The following RAD51B variants were observed in gnomAD, a reference collection of about 807,000 sequenced individuals.
RAD51B encodes the protein RAD51 paralog B.
RAD51B carries 38 observed loss-of-function variants against 42.2 expected under a neutral mutation model. The observed-to-expected ratio is 0.90, with a 90% CI of 0.70 to 1.18. The LOEUF (loss-of-function observed/expected upper bound fraction) is 1.18, where lower values mean the gene tolerates loss of function less well. RAD51B is among the 50% of genes most tolerant of loss of function. The pLI is 0.00. For synonymous variants in RAD51B, 154 were observed against 145.2 expected (o/e 1.06, Z -0.43); for missense variants, 373 against 400.7 (o/e 0.93, Z 0.59).
intron 7 of RAD51B, among the ~76,000 whole-genome samples, chr14:68,164,215 CT>C (rs2078703655): frequency 6.6e-6 from 1 of 152,176 alleles, no homozygotes; most frequent in African/African-American, 2.4e-5. Context: ...AAACAATTTA[CT>C]TTGCATTCCT....
chr14:68,197,405 A>G (rs992078080), intron 7 of RAD51B, among the ~76,000 whole-genome samples: 3 of 152,188 alleles, frequency 2.0e-5, no homozygotes, highest in South Asian at 2.1e-4. Flanking sequence ...GTAAAAATAT[A>G]AGACAATTAC....
In RAD51B at chr14:67,847,793, GT is replaced by G. The variant is rs549353282; in HGVS notation, c.315+12600del. 7.2e-5 allele frequency among the ~76,000 whole-genome samples: 11 copies of G among 152,016 alleles called. No individual in the cohort carries two copies. In the East Asian group the frequency reaches 2.1e-3, roughly 29 times the overall value. On this transcript the variant is annotated intron_variant, in intron 4 of 10. Transcript: ENST00000471583. ...GGATCGTTCTATAGATATCTGTTAGGTTTAATTGGTCAAGTGTCAAGTTTAA... is the reference window on the plus strand; with the variant it reads ...GGATCGTTCTATAGATATCTGTTAGGTTAATTGGTCAAGTGTCAAGTTTAA...
intron 10 of RAD51B, among the ~76,000 whole-genome samples, chr14:68,634,193 T>A (rs1350170504): frequency 1.3e-5 from 2 of 152,192 alleles, no homozygotes; most frequent in Non-Finnish European, 2.9e-5. Flanking sequence ...ACCTACCTCG[T>A]AGAGTTACTG....
chr14:68,284,551 A>T (rs925666236), intron 7 of RAD51B, among the ~76,000 whole-genome samples: 14 of 152,208 alleles, frequency 9.2e-5, no homozygotes, highest in Admixed American at 3.3e-4. Context: ...TGTTTTCTTC[A>T]AGCCAAATTG....
chr14:68,206,481 C>T (rs1380359387), intron 7 of RAD51B, among the ~76,000 whole-genome samples: 6 of 152,136 alleles, frequency 3.9e-5, no homozygotes, highest in East Asian at 1.9e-4. Flanking sequence ...CTTCCACATT[C>T]GCCTGTCAAC....
chr14:68,345,567 C>G (rs916034382), intron 8 of RAD51B, among the ~76,000 whole-genome samples: 3 of 152,152 alleles, frequency 2.0e-5, no homozygotes, highest in Admixed American at 6.5e-5. Context: ...CTTCCTGAGG[C>G]CTTACCAGAA....
At chr14:68,480,047 C>G (rs1883051497), downstream of RAD51B, among the ~76,000 whole-genome samples, 1 of 151,950 alleles carries the variant, frequency 6.6e-6, no homozygotes, top group Non-Finnish European at 1.5e-5. Flanking sequence ...AATTTTTATG[C>G]TTTTCTCTTG....
chr14:68,647,182 TC>T (rs1391331581), intron 10 of RAD51B, among the ~76,000 whole-genome samples: 2 of 152,366 alleles, frequency 1.3e-5, no homozygotes, highest in African/African-American at 4.8e-5. Context: ...TTGATTTTTT[TC>T]ATTCTTTTAT....
At chr14:67,878,011 G>A (rs1189805079) in intron 5 of RAD51B, among the ~76,000 whole-genome samples, 1 of 152,108 alleles carries the variant, frequency 6.6e-6, no homozygotes, top group African/African-American at 2.4e-5. Flanking sequence ...TTGGTTTTCA[G>A]ATCTTAATTA....
At chr14:68,188,916 T>G (rs2079209349) in intron 7 of RAD51B, among the ~76,000 whole-genome samples, 1 of 152,054 alleles carries the variant, frequency 6.6e-6, no homozygotes, top group African/African-American at 2.4e-5. Flanking sequence ...GGATGCTTTT[T>G]GCCAGCTTCT....
chr14:68,440,324 C>G (rs1443428117), intron 9 of RAD51B, among the ~76,000 whole-genome samples: 2 of 152,204 alleles, frequency 1.3e-5, no homozygotes, highest in African/African-American at 4.8e-5. Flanking sequence ...TGACAACTTT[C>G]AGAACAAACT....
In RAD51B at chr14:68,358,786, CCTATAT is replaced by C. The variant is rs577197693; in HGVS notation, c.854-52636_854-52631del. On this transcript the variant is annotated intron_variant, in intron 8 of 10. Coordinates refer to ENST00000471583, the MANE Select transcript of RAD51B (RefSeq NM_133510.4). ...TCAGTCAGATCGTGTGATATAAAAG[CCTATAT>C]CACACAATGTGTGATGGTAAAGAAA... Among the ~76,000 whole-genome samples the C allele has an allele frequency of 6.6e-5, 10 of 151,980 alleles. No homozygotes were observed. The South Asian group carries it at 1.7e-3, about 25-fold the overall frequency.
chr14:67,921,536 A>G (rs2044321440), intron 7 of RAD51B, among the ~76,000 whole-genome samples: 1 of 147,620 alleles, frequency 6.8e-6, no homozygotes. Context: ...ATAACCCACA[A>G]ATTTCCTATG....
intron 11 of RAD51B, among the ~76,000 whole-genome samples, chr14:68,677,292 G>C (rs540675502): frequency 3.9e-4 from 60 of 152,298 alleles, no homozygotes; most frequent in Admixed American, 9.8e-4. Context: ...CATTTGCCCA[G>C]TGATGGATGC....
At chr14:68,581,531 A>G (rs1201721186) in intron 10 of RAD51B, among the ~76,000 whole-genome samples, 2 of 152,206 alleles carry the variant, frequency 1.3e-5, no homozygotes, top group East Asian at 3.8e-4. Flanking sequence ...GAGGGAAGGC[A>G]CAGAGGAGAG....
At chr14:68,029,033 A>T (rs1266857605) in intron 7 of RAD51B, among the ~76,000 whole-genome samples, 1 of 152,168 alleles carries the variant, frequency 6.6e-6, no homozygotes, top group African/African-American at 2.4e-5. Flanking sequence ...GTCCACAGTG[A>T]TAGTGTGCAG....
Position 68,566,156 on chromosome 14 carries a change from T to C in RAD51B, c.1037-28329T>C, listed in dbSNP as rs1889408025. ...TACCTGCTGAGAAACTAACTTTACA[T>C]AGCTTTTTACTAGAATGTTTGCTCT... On this transcript the variant is annotated intron_variant, in intron 10 of 10. Coordinates refer to the RAD51B transcript ENST00000487270. Among the ~76,000 whole-genome samples, 3 of 152,210 alleles carry C rather than the reference T, an allele frequency of 2.0e-5. No individual in the cohort carries two copies. In the South Asian group the frequency reaches 6.2e-4, roughly 32 times the overall value.
At chr14:68,631,358 G>T (rs531686223) in intron 10 of RAD51B, among the ~76,000 whole-genome samples, 1 of 152,156 alleles carries the variant, frequency 6.6e-6, no homozygotes, top group Admixed American at 6.5e-5. Flanking sequence ...GAACAGAACC[G>T]TCCCTCATAA....
chr14:67,969,854 A>T (rs989311364), intron 7 of RAD51B, among the ~76,000 whole-genome samples: 2 of 152,224 alleles, frequency 1.3e-5, no homozygotes, highest in Admixed American at 1.3e-4. Context: ...CTAATCAATT[A>T]GACCACTAGT....
Sources: gnomAD v4.1 joint callset for allele counts (sites outside exome capture counted in the v4.1 genomes callset) on GRCh38, gnomAD v4.1.1 for gene constraint, MANE v1.5 for transcripts, NCBI Gene and HGNC (gene_info 2026-07-23, HGNC 2026-07-21) for gene names.